Variants in CCDC6 observed in about 807,000 individuals in gnomAD.
The protein encoded by CCDC6 is coiled-coil domain containing 6.
In CCDC6, 20 loss-of-function variants were observed where a neutral mutation model predicts 56.6. That is an observed-to-expected ratio of 0.35 (90% CI 0.25 to 0.51). The LOEUF is 0.51. Ranked by LOEUF, CCDC6 falls within the 20% of genes least tolerant of loss-of-function variation. CCDC6 has a pLI of 0.95. For missense variants in CCDC6, 367 were observed against 601.1 expected, an observed-to-expected ratio of 0.61 and a Z score of 4.07; for synonymous variants, 241 against 234.4, an observed-to-expected ratio of 1.03 and a Z score of -0.26.
intron 3 of CCDC6, among the ~76,000 whole-genome samples, chr10:59,822,148 A>G (rs762351897): frequency 1.5e-4 from 23 of 152,208 alleles, no homozygotes; most frequent in Non-Finnish European, 2.8e-4. Context: ...AATACAGCTT[A>G]CATCTTTTTT....
At chr10:59,794,660 TAGG>T in intron 7 of CCDC6, 63 bp from the exon 8 acceptor site, 4 of 1,484,156 alleles carry the variant, frequency 2.7e-6, no homozygotes, top group Non-Finnish European at 3.7e-6. Context: ...TTCAACTATC[TAGG>T]AGGTTTTAAA....
intron 3 of CCDC6, among the ~76,000 whole-genome samples, chr10:59,822,259 CTA>C (rs112307351): frequency 2.4e-4 from 36 of 152,294 alleles, no homozygotes; most frequent in African/African-American, 7.9e-4. Context: ...GAAAATGACA[CTA>C]TTTCATAACT....
At chr10:59,831,258 G>T (rs2070832933) in intron 3 of CCDC6, among the ~76,000 whole-genome samples, 1 of 152,154 alleles carries the variant, frequency 6.6e-6, no homozygotes, top group Non-Finnish European at 1.5e-5. Context: ...CTTGAAAACT[G>T]AACTTTCATC....
At chr10:59,896,886 C>A (rs184751422) in intron 1 of CCDC6, among the ~76,000 whole-genome samples, 5 of 152,258 alleles carry the variant, frequency 3.3e-5, no homozygotes, top group Admixed American at 2.0e-4. Flanking sequence ...TGGTACTCTT[C>A]TCTGGGTACC....
intron 1 of CCDC6, among the ~76,000 whole-genome samples, chr10:59,868,923 CTCTT>C (rs903455955): frequency 1.4e-4 from 22 of 152,212 alleles, no homozygotes; most frequent in African/African-American, 5.1e-4. Context: ...TCCCATGCAC[CTCTT>C]TCTTATGCCA....
rs1564748886 is a variant in CCDC6, at chr10:59,852,670, A to G, written c.336T>C (p.Ile112=). 2 of 1,598,744 alleles carry G rather than the reference A, an allele frequency of 1.3e-6. No individual in the cohort carries two copies. Among genetic ancestry groups the G allele is most frequent in the Non-Finnish European group, 8.5e-7 (1 of 1,174,382 alleles). Residue 112 remains isoleucine, a synonymous_variant, in exon 2 of 9, where the codon ATT becomes ATC. Transcript: ENST00000263102. ...QARAEQEEEF[I]SNTLFKKIQA... is the part of the protein sequence containing the mutation. The stretch of plus-strand genomic sequence containing the variant: ...GAATTTTCTTGAATAAAGTGTTACT[A>G]ATGAATTCTTCTTCCTGCTCAGCCC...
chr10:59,839,408 G>A (rs550433758), intron 2 of CCDC6, among the ~76,000 whole-genome samples: 2 of 152,220 alleles, frequency 1.3e-5, no homozygotes, highest in East Asian at 1.9e-4. Flanking sequence ...AAATGATAAC[G>A]TCCTCACTTC....
At chr10:59,834,380 A>G (rs1337498774) in intron 2 of CCDC6, among the ~76,000 whole-genome samples, 1 of 151,898 alleles carries the variant, frequency 6.6e-6, no homozygotes, top group Non-Finnish European at 1.5e-5. Flanking sequence ...TAAAAATACA[A>G]ACAAACAAAC....
chr10:59,905,890 G>A (rs547281788), intron 1 of CCDC6, among the ~76,000 whole-genome samples: 3 of 152,318 alleles, frequency 2.0e-5, no homozygotes, highest in African/African-American at 7.2e-5. Context: ...TGCCACAGTA[G>A]CCTTCCCCCG....
intron 1 of CCDC6, among the ~76,000 whole-genome samples, chr10:59,873,985 A>G (rs775854106): frequency 6.6e-6 from 1 of 152,214 alleles, no homozygotes; most frequent in Non-Finnish European, 1.5e-5. Context: ...CAGCTGTCAA[A>G]ATCCCAAATG....
In CCDC6 at chr10:59,846,231, CA is replaced by C. The variant is rs572110093; in HGVS notation, c.453+6321del. Among the ~76,000 whole-genome samples, 201 of 152,308 alleles carry C rather than the reference CA, an allele frequency of 1.3e-3. 1 individual carries two copies. The highest frequency in any genetic ancestry group is 4.4e-3 in the African/African-American group (181 of 41,562). ...AACCACTTCTCCAGAATTGACAGGA[CA>C]AGTGAAAGAAGGCAAATGAAGTGCT... On this transcript the variant is annotated intron_variant, in intron 2 of 8. Transcript: ENST00000263102.
intron 2 of CCDC6, among the ~76,000 whole-genome samples, chr10:59,850,349 G>T (rs1000377506): frequency 8.7e-6 from 1 of 115,032 alleles, no homozygotes; most frequent in South Asian, 2.7e-4. Flanking sequence ...TTTATGTTAC[G>T]TAAAATTTAC....
chr10:59,849,945 G>C (rs1333049086), intron 2 of CCDC6, among the ~76,000 whole-genome samples: 2 of 152,130 alleles, frequency 1.3e-5, no homozygotes, highest in African/African-American at 2.4e-5. Flanking sequence ...ATACATATTG[G>C]GAGCCTGAGG....
At chr10:59,883,769 G>A (rs1211951152) in intron 1 of CCDC6, among the ~76,000 whole-genome samples, 1 of 152,174 alleles carries the variant, frequency 6.6e-6, no homozygotes, top group Non-Finnish European at 1.5e-5. Flanking sequence ...TGAGAACAGA[G>A]GGCTAAGATC....
chr10:59,875,425 G>A (rs1184877451), intron 1 of CCDC6, among the ~76,000 whole-genome samples: 1 of 152,166 alleles, frequency 6.6e-6, no homozygotes, highest in African/African-American at 2.4e-5. Flanking sequence ...GAACACCAGA[G>A]GAAAAAGAAG....
intron 1 of CCDC6, among the ~76,000 whole-genome samples, chr10:59,858,688 T>A (rs944932931): frequency 6.6e-6 from 1 of 152,158 alleles, no homozygotes; most frequent in Non-Finnish European, 1.5e-5. Flanking sequence ...ACACACCTCA[T>A]CATGTCAGTT....
chr10:59,850,758 C>T (rs973641512), intron 2 of CCDC6, among the ~76,000 whole-genome samples: 10 of 152,062 alleles, frequency 6.6e-5, no homozygotes, highest in African/African-American at 2.2e-4. Context: ...AAAACACAAT[C>T]CCTACATTTC....
chr10:59,842,114 C>T (rs1041337232), intron 2 of CCDC6, among the ~76,000 whole-genome samples: 47 of 151,846 alleles, frequency 3.1e-4, no homozygotes, highest in African/African-American at 1.1e-3. Flanking sequence ...ACGATCTTGG[C>T]TCAATGCAAC....
intron 3 of CCDC6, among the ~76,000 whole-genome samples, chr10:59,816,137 G>A (rs1156959521): frequency 6.6e-6 from 1 of 152,156 alleles, no homozygotes; most frequent in Non-Finnish European, 1.5e-5. Context: ...GCCAATGAAG[G>A]TGAGCAGCTA....
Sources: allele counts gnomAD v4.1 joint callset (sites outside exome capture counted in the v4.1 genomes callset), GRCh38; gene constraint gnomAD v4.1.1; transcripts MANE v1.5; gene names NCBI Gene and HGNC (gene_info 2026-07-23, HGNC 2026-07-21).